GAL3ST4: variants seen among roughly 807,000 people sequenced by gnomAD.
The protein encoded by GAL3ST4 is beta-galactose-3-O-sulfotransferase 4.
GAL3ST4 carries 30 observed loss-of-function variants against 31.6 expected under a neutral mutation model. The ratio of observed to expected loss-of-function variants is 0.95; its 90% CI spans 0.71 to 1.29. The LOEUF (loss-of-function observed/expected upper bound fraction) is 1.29, where lower values mean the gene tolerates loss of function less well. Ranked by LOEUF, GAL3ST4 falls within the 50% of genes most tolerant of loss-of-function variation. The pLI is 0.00. For synonymous variants in GAL3ST4, 248 were observed against 256.9 expected, an observed-to-expected ratio of 0.97 and a Z score of 0.33; for missense variants, 629 against 625.2, an observed-to-expected ratio of 1.01 and a Z score of -0.06.
In GAL3ST4 at chr7:100,159,645, G is replaced by T. The variant is rs1000622990; in HGVS notation, c.*283C>A. On this transcript the variant is annotated 3_prime_UTR_variant, in exon 4 of 4. Coordinates refer to ENST00000360039, the MANE Select transcript of GAL3ST4 (RefSeq NM_024637.5). ...TGAGGCAGGAGAATCGCTTGAACCT[G>T]GGAGGCAGAGGTTGCAGTGAGCCGA... 6.4e-6 allele frequency: 2 copies of T among 313,204 alleles called. No individual in the cohort carries two copies. The highest frequency in any genetic ancestry group is 1.2e-5 in the Non-Finnish European group (2 of 168,390). 19.4% of individuals were successfully genotyped at this position (313,204 alleles called of 1,614,324 possible). A position where few individuals can be genotyped will look rare whatever the true frequency, so the allele number is the denominator to read the frequency against.
chr7:100,166,373 G>A, intron 3 of GAL3ST4, 129 bp downstream of exon 3: 7 of 971,290 alleles, frequency 7.2e-6, no homozygotes, highest in Admixed American at 2.4e-5. Context: ...GCCCAACTTT[G>A]TGGCCCCTAT....
In GAL3ST4 at chr7:100,159,704, A is replaced by C. The variant is rs1798963376; in HGVS notation, c.*224T>G. The C allele has an allele frequency of 2.0e-6, 1 of 511,214 alleles. No individual in the cohort carries two copies. 31.7% of individuals were successfully genotyped at this position (511,214 alleles called of 1,614,324 possible). On this transcript the variant is annotated 3_prime_UTR_variant, in exon 4 of 4. Coordinates refer to ENST00000360039, the MANE Select transcript of GAL3ST4 (RefSeq NM_024637.5). Reference sequence around the variant, plus strand: ...CACTGCACTCCAGCCTGGGGGACAGAGCAAGACTCCGTTTCAAAAAAAAAA... The same window carrying C: ...CACTGCACTCCAGCCTGGGGGACAGCGCAAGACTCCGTTTCAAAAAAAAAA...
chr7:100,167,560 AAG>A (rs1364236505), intron 1 of GAL3ST4: 91 of 190,174 alleles, frequency 4.8e-4, no homozygotes, highest in Middle Eastern at 2.3e-3. Flanking sequence ...AACAGCCAGC[AAG>A]AGAGAGAGAG....
chr7:100,160,792 C>T lies in GAL3ST4; in HGVS notation c.597G>A (p.Gly199=), dbSNP rs745497399. ...TGCGAGCGTAGTGGTCCCCACGGGCCCCAGGCCTGTAGAAGCCTCGAGGAT... is the reference window on the plus strand; with the variant it reads ...TGCGAGCGTAGTGGTCCCCACGGGCTCCAGGCCTGTAGAAGCCTCGAGGAT... The part of the protein sequence containing the change: ...LANPRGFYRP[G]ARGDHYARNL... The change falls in exon 4 of 4, where the codon GGG becomes GGA. Residue 199 remains glycine, a synonymous_variant. Coordinates refer to ENST00000360039, the MANE Select transcript of GAL3ST4 (RefSeq NM_024637.5). 2 of 1,614,082 alleles carry T rather than the reference C, an allele frequency of 1.2e-6. No individual in the cohort carries two copies. Among genetic ancestry groups the T allele is most frequent in the Admixed American group, 3.3e-5 (2 of 60,000 alleles).
intron 3 of GAL3ST4, among the ~76,000 whole-genome samples, chr7:100,165,816 G>C (rs1918352): frequency 2.1e-5 from 3 of 141,790 alleles, no homozygotes; most frequent in African/African-American, 2.7e-5. Context: ...ATGAGACCCT[G>C]TCTCACACAC....
In GAL3ST4 at chr7:100,160,426, A is replaced by T. The variant is rs1798980061; in HGVS notation, c.963T>A (p.Gly321=). 1.2e-6 allele frequency: 2 copies of T among 1,613,818 alleles called. No individual in the cohort carries two copies. The highest frequency in any genetic ancestry group is 1.7e-6 in the Non-Finnish European group (2 of 1,180,022). Residue 321 remains glycine, a synonymous_variant, in exon 4 of 4, where the codon GGT becomes GGA. Transcript: ENST00000360039. ...LVLLADALCW[G]LDDVVGFMHN... The stretch of plus-strand genomic sequence containing the variant: ...GCATGAAGCCCACCACGTCATCTAG[A>T]CCCCAGCACAGGGCATCTGCCAGCA...
At position 100,160,070 on chromosome 7, in the gene GAL3ST4, C is replaced by T. The variant is rs200495131; in HGVS notation, c.1319G>A (p.Arg440Gln). The T allele has an allele frequency of 8.6e-5, 139 of 1,614,082 alleles. No individual in the cohort carries two copies. The highest frequency in any genetic ancestry group is 1.1e-4 in the Non-Finnish European group (128 of 1,180,022). ...TTGGTCTTGGGGGCTCAATCCACTC[C>T]GAAGTATATAGCCCAAAACCTTAGC... ...GSAKVLGYIL[R>Q]SGLSPQDQEE... Residue 440 changes from arginine to glutamine, a missense_variant, in exon 4 of 4, where the codon CGG becomes CAG. Transcript: ENST00000360039.
In GAL3ST4 at chr7:100,160,376, T is replaced by C. The variant is rs1372942445; in HGVS notation, c.1013A>G (p.Gln338Arg). ...FMHNAQAGHKQGLSTVSNSGL... is the reference protein window; with the variant it reads ...FMHNAQAGHKRGLSTVSNSGL... ...ACTGTTGCTGACAGTGCTGAGGCCCTGCTTATGTCCAGCCTGGGCATTGTG... is the reference window on the plus strand; with the variant it reads ...ACTGTTGCTGACAGTGCTGAGGCCCCGCTTATGTCCAGCCTGGGCATTGTG... The change falls in exon 4 of 4, where the codon CAG becomes CGG. Residue 338 changes from glutamine to arginine, a missense_variant. Coordinates refer to ENST00000360039, the MANE Select transcript of GAL3ST4 (RefSeq NM_024637.5). 23 of 1,613,976 alleles carry C rather than the reference T, an allele frequency of 1.4e-5. No homozygotes were observed. In the Admixed American group the frequency reaches 3.7e-4, roughly 26 times the overall value.
At position 100,167,115 on chromosome 7, in the gene GAL3ST4, G is replaced by A. The variant is rs759480439; in HGVS notation, c.-20C>T. ...GCCCATGTGGCACAGGGAAGGGTGA[G>A]GTGACAGAGAGATGGAGCCAGGGCC... On this transcript the variant is annotated 5_prime_UTR_variant, in exon 2 of 4. Coordinates refer to ENST00000360039, the MANE Select transcript of GAL3ST4 (RefSeq NM_024637.5). The A allele has an allele frequency of 6.4e-7, 1 of 1,552,748 alleles. No individual in the cohort carries two copies.
rs112880621 is a variant in GAL3ST4, at chr7:100,160,332, G to T, written c.1057C>A (p.Arg353=). 1.2e-6 allele frequency: 2 copies of T among 1,613,716 alleles called. No individual in the cohort carries two copies. The highest frequency in any genetic ancestry group is 1.7e-6 in the Non-Finnish European group (2 of 1,179,958). ...VSNSGLTAED[R]QLTARARAWN... ...GCTCGGGCCCGTGCAGTCAGCTGCCGGTCCTCCGCAGTCAGTCCACTGTTG... is the reference window on the plus strand; with the variant it reads ...GCTCGGGCCCGTGCAGTCAGCTGCCTGTCCTCCGCAGTCAGTCCACTGTTG... Residue 353 remains arginine, a synonymous_variant, in exon 4 of 4, where the codon CGG becomes AGG. Transcript: ENST00000360039.
At chr7:100,161,019 A>G in intron 3 of GAL3ST4, 60 bp from the exon 4 acceptor site, 1 of 1,423,700 alleles carries the variant, frequency 7.0e-7, no homozygotes, top group Admixed American at 2.5e-5. Context: ...ATGCATAAGT[A>G]TGCACAAGCC....
rs1414106458 is a variant in GAL3ST4, at chr7:100,160,537, T to C, written c.852A>G (p.Ser284=). The part of the protein sequence containing the change: ...SSPASFDLGS[S]SFIQWGLAWL... ...ATGCCAGACCCCACTGGATGAAGGA[T>C]GAAGACCCCAAATCGAAAGAGGCAG... Residue 284 remains serine (S), a synonymous_variant, in exon 4 of 4, where the codon TCA becomes TCG. Transcript: ENST00000360039. The C allele has an allele frequency of 2.5e-6, 4 of 1,613,806 alleles. No homozygotes were observed. The highest frequency in any genetic ancestry group is 3.4e-6 in the Non-Finnish European group (4 of 1,180,034).
At chr7:100,164,001 CACTT>C (rs1159667377) in intron 3 of GAL3ST4, among the ~76,000 whole-genome samples, 3 of 152,204 alleles carry the variant, frequency 2.0e-5, no homozygotes, top group African/African-American at 2.4e-5. Flanking sequence ...AACTGGGTAA[CACTT>C]ACCTGGAAGA....
In GAL3ST4 at chr7:100,160,438, GGCATCTGCCA is replaced by G. The variant is rs1300068799; in HGVS notation, c.941_950del (p.Leu314ProfsTer6). 1 of 1,614,086 alleles carries G rather than the reference GGCATCTGCCA, an allele frequency of 6.2e-7. No individual in the cohort carries two copies. The highest frequency in any genetic ancestry group is 8.5e-7 in the Non-Finnish European group (1 of 1,180,038). ...CCACGTCATCTAGACCCCAGCACAGGGCATCTGCCAGCAGAACCAATGACTCATCGAAGTA... is the reference window on the plus strand; with the variant it reads ...CCACGTCATCTAGACCCCAGCACAGGGCAGAACCAATGACTCATCGAAGTA... On this transcript the variant is annotated frameshift_variant, in exon 4 of 4. Coordinates refer to ENST00000360039, the MANE Select transcript of GAL3ST4 (RefSeq NM_024637.5). LOFTEE classifies it high-confidence loss of function.
intron 3 of GAL3ST4, among the ~76,000 whole-genome samples, chr7:100,165,844 C>T (rs944275829): frequency 6.6e-6 from 1 of 151,358 alleles, no homozygotes; most frequent in Non-Finnish European, 1.5e-5. Flanking sequence ...CACACACACA[C>T]ACACACACAC....
chr7:100,168,333 C>G lies in GAL3ST4; in HGVS notation c.-189+213G>C, dbSNP rs1799118294. On this transcript the variant is annotated intron_variant, in intron 1 of 3. Coordinates refer to ENST00000360039, the MANE Select transcript of GAL3ST4 (RefSeq NM_024637.5). This position sits in a 1 kb window ranked among gnomAD's most constrained non-coding sequence, Gnocchi z 4.1. ...CCAATTCCCTCCCTGATCACAGCCC[C>G]TGGGGTCTAGCCGCGTCTCCCCTAT... 6.6e-6 allele frequency among the ~76,000 whole-genome samples: 1 copy of G among 152,204 alleles called. No individual in the cohort carries two copies. Among genetic ancestry groups the G allele is most frequent in the East Asian group, 1.9e-4 (1 of 5,186 alleles).
chr7:100,159,837 G>A lies in GAL3ST4; in HGVS notation c.*91C>T. On this transcript the variant is annotated 3_prime_UTR_variant, in exon 4 of 4. Transcript: ENST00000360039. ...CGGGACAAAGACTCATCCCTTCTGG[G>A]AGATGCAGAAATGGCATCTTGCTGC... is the stretch of plus-strand genomic sequence containing the variant. 1 of 1,093,512 alleles carries A rather than the reference G, an allele frequency of 9.1e-7. No homozygotes were observed. The highest frequency in any genetic ancestry group is 1.5e-5 in the South Asian group (1 of 66,780). The allele number at this position is 1,093,512 out of a possible 1,614,324, so 67.7% of individuals were successfully genotyped here. A position where few individuals can be genotyped will look rare whatever the true frequency, so the allele number is the denominator to read the frequency against.
intron 3 of GAL3ST4, among the ~76,000 whole-genome samples, chr7:100,165,317 T>C (rs1008309729): frequency 1.5e-4 from 23 of 152,076 alleles, no homozygotes; most frequent in African/African-American, 5.1e-4. Flanking sequence ...ATTACAGGCG[T>C]GTGCCACCAC....
Position 100,166,578 on chromosome 7 carries a change from C to A in GAL3ST4, c.353G>T (p.Gly118Val), listed in dbSNP as rs751897879. The A allele has an allele frequency of 6.8e-6, 11 of 1,614,194 alleles. No individual in the cohort carries two copies. The highest frequency in any genetic ancestry group is 8.5e-6 in the Non-Finnish European group (10 of 1,180,040). The change falls in exon 3 of 4, where the codon GGC becomes GTC. Residue 118 changes from glycine (G) to valine (V), a missense_variant. Transcript: ENST00000360039. ...PKLFQASRVK[G>V]YRPQGGGTQL... is the part of the protein sequence containing the mutation. ...GGTGCCTCCACCCTGTGGGCGGTAG[C>A]CTTTTACCCTAGAGGCCTGGAAGAG...
Sources: gnomAD v4.1 joint callset for allele counts (sites outside exome capture counted in the v4.1 genomes callset) on GRCh38, gnomAD v4.1.1 for gene constraint, Gnocchi (gnomAD v3.1) non-coding constraint, MANE v1.5 for transcripts, NCBI Gene and HGNC (gene_info 2026-07-23, HGNC 2026-07-21) for gene names.